Variants in TRIM62 observed in about 807,000 individuals in gnomAD.
TRIM62 encodes the protein E3 ubiquitin-protein ligase TRIM62.
Under a neutral mutation model 44.2 loss-of-function variants are expected in TRIM62, and 39 were observed. That is an observed-to-expected ratio of 0.88 (90% confidence interval 0.68 to 1.15). The LOEUF is 1.15. Among genes scored for constraint, TRIM62 ranks in the 50% most tolerant of loss-of-function variants. The pLI, the probability that TRIM62 is intolerant of heterozygous loss-of-function variation, is 0.00. For missense variants in TRIM62, 544 were observed against 665.5 expected (o/e 0.82, Z 2.01); for synonymous variants, 278 against 292.3 (o/e 0.95, Z 0.50).
At chr1:33,170,570 C>T (rs953997334) in intron 1 of TRIM62, among the ~76,000 whole-genome samples, 9 of 152,058 alleles carry the variant, frequency 5.9e-5, no homozygotes, top group South Asian at 4.1e-4. Context: ...GAGTTCACCT[C>T]GAAAGGGTGG....
Position 33,159,843 on chromosome 1 carries a change from C to G in TRIM62, c.606G>C (p.Ala202=), listed in dbSNP as rs567502442. 1 of 1,613,572 alleles carries G rather than the reference C, an allele frequency of 6.2e-7. No individual in the cohort carries two copies. Among genetic ancestry groups the G allele is most frequent in the East Asian group, 2.2e-5 (1 of 44,884 alleles). ...RQKAMLEELE[A]DTARTLTDIE... ...TGTCGGTCAGCGTGCGGGCCGTGTC[C>G]GCCTCCAGCTCCTCTAGCATGGCCT... The change falls in exon 3 of 5, where the codon GCG becomes GCC. Residue 202 remains alanine, a synonymous_variant. Coordinates refer to ENST00000291416, the MANE Select transcript of TRIM62 (RefSeq NM_018207.3). The surrounding 1 kb of genome is among the most constrained non-coding windows in gnomAD (Gnocchi z 4.2).
At chr1:33,154,360 C>G (rs1645143888) in intron 4 of TRIM62, among the ~76,000 whole-genome samples, 1 of 152,224 alleles carries the variant, frequency 6.6e-6, no homozygotes, top group African/African-American at 2.4e-5. Flanking sequence ...ATGTCTGTCA[C>G]AGCTCGGAGA....
intron 1 of TRIM62, among the ~76,000 whole-genome samples, chr1:33,179,870 C>T (rs1645446964): frequency 6.6e-6 from 1 of 152,142 alleles, no homozygotes; most frequent in South Asian, 2.1e-4. Context: ...CAAAATTTCT[C>T]TAAGCTTTTA....
rs373281572 is a variant in TRIM62, at chr1:33,167,938, G to A, written c.409-2372C>T. 1.6e-4 allele frequency among the ~76,000 whole-genome samples: 24 copies of A among 152,214 alleles called. No homozygotes were observed. Among genetic ancestry groups the A allele is most frequent in the Non-Finnish European group, 3.1e-4 (21 of 68,046 alleles). On this transcript the variant is annotated intron_variant, in intron 1 of 4. Coordinates refer to ENST00000291416, the MANE Select transcript of TRIM62 (RefSeq NM_018207.3). This position sits in a 1 kb window ranked among gnomAD's most constrained non-coding sequence, Gnocchi z 4.2. ...ACTGTTGAGGCACTGGGATTATGGC[G>A]AAGGACAAGACAGACACAGTCCCTG... is the stretch of plus-strand genomic sequence containing the variant.
At chr1:33,172,555 G>A (rs1421248939) in intron 1 of TRIM62, among the ~76,000 whole-genome samples, 1 of 152,144 alleles carries the variant, frequency 6.6e-6, no homozygotes, top group Non-Finnish European at 1.5e-5. Context: ...GAGCGGGGGT[G>A]GGCCGGGCAG....
In TRIM62 at chr1:33,159,696, C is replaced by G; in HGVS notation, c.753G>C (p.Leu251=). 1 of 1,607,614 alleles carries G rather than the reference C, an allele frequency of 6.2e-7. No individual in the cohort carries two copies. Residue 251 remains leucine, a synonymous_variant, in exon 3 of 5, where the codon CTG becomes CTC. Transcript: ENST00000291416. This position sits in a 1 kb window ranked among gnomAD's most constrained non-coding sequence, Gnocchi z 4.2. The part of the protein sequence containing the change: ...RHTFLAGVAS[L]SERLKGKIHE... ...CGGCGGGTGGCACTTACCGCTCGGA[C>G]AGTGAGGCCACCCCAGCCAGGAAGG...
chr1:33,147,894 G>A lies in TRIM62; in HGVS notation c.878-167C>T, dbSNP rs1645042988. On this transcript the variant is annotated intron_variant, in intron 4 of 4. Coordinates refer to ENST00000291416, the MANE Select transcript of TRIM62 (RefSeq NM_018207.3). This position sits in a 1 kb window ranked among gnomAD's most constrained non-coding sequence, Gnocchi z 8.1. ...TCTCTGGGCCTCATCTTCCTCCTCTGTAGAATGGAAGGGTGGTGGTTAAGG... is the reference window on the plus strand; with the variant it reads ...TCTCTGGGCCTCATCTTCCTCCTCTATAGAATGGAAGGGTGGTGGTTAAGG... Among the ~76,000 whole-genome samples, 1 of 152,178 alleles carries A rather than the reference G, an allele frequency of 6.6e-6. No individual in the cohort carries two copies. Among genetic ancestry groups the A allele is most frequent in the South Asian group, 2.1e-4 (1 of 4,828 alleles).
At position 33,153,271 on chromosome 1, in the gene TRIM62, G is replaced by A. The variant is rs867630592; in HGVS notation, c.877+4982C>T. On this transcript the variant is annotated intron_variant, in intron 4 of 4. Transcript: ENST00000291416. ...CACAGGCCCCACAGACAAAGAAAGGGGCCCAGCCAACCAGGCTGCTGCTCT... is the reference window on the plus strand; with the variant it reads ...CACAGGCCCCACAGACAAAGAAAGGAGCCCAGCCAACCAGGCTGCTGCTCT... Among the ~76,000 whole-genome samples, 21 of 152,270 alleles carry A rather than the reference G, an allele frequency of 1.4e-4. No individual in the cohort carries two copies. In the East Asian group the frequency reaches 1.5e-3, roughly 11 times the overall value.
chr1:33,176,435 T>C (rs1645420077), intron 1 of TRIM62: 2 of 698,226 alleles, frequency 2.9e-6, no homozygotes, highest in Non-Finnish European at 5.2e-6. Context: ...GCTGATCCAC[T>C]GCTGTCTTCT....
rs202226050 is a variant in TRIM62 at position 33,159,829 on chromosome 1, G to T, written c.620C>A (p.Thr207Lys). The T allele has an allele frequency of 6.2e-7, 1 of 1,613,706 alleles. No homozygotes were observed. The highest frequency in any genetic ancestry group is 8.5e-7 in the Non-Finnish European group (1 of 1,179,990). ...GACTTTCTGCTCGATGTCGGTCAGCGTGCGGGCCGTGTCCGCCTCCAGCTC... is the reference window on the plus strand; with the variant it reads ...GACTTTCTGCTCGATGTCGGTCAGCTTGCGGGCCGTGTCCGCCTCCAGCTC... ...LEELEADTAR[T>K]LTDIEQKVQR... The change falls in exon 3 of 5, where the codon ACG becomes AAG. Residue 207 changes from threonine (T) to lysine (K), a missense_variant. By Grantham distance (78) the Thr-to-Lys change is moderately conservative. Coordinates refer to ENST00000291416, the MANE Select transcript of TRIM62 (RefSeq NM_018207.3). The surrounding 1 kb of genome is among the most constrained non-coding windows in gnomAD (Gnocchi z 4.2).
intron 4 of TRIM62, among the ~76,000 whole-genome samples, chr1:33,153,896 C>T (rs970764416): frequency 6.6e-6 from 1 of 152,190 alleles, no homozygotes; most frequent in Non-Finnish European, 1.5e-5. Context: ...AGACCTGGCC[C>T]CTGACCCTCA....
intron 1 of TRIM62, among the ~76,000 whole-genome samples, chr1:33,176,962 C>T (rs1217774990): frequency 2.0e-5 from 3 of 152,162 alleles, no homozygotes; most frequent in Non-Finnish European, 2.9e-5. Flanking sequence ...GAAATGGGCT[C>T]CTTCCCTCCA....
Position 33,181,339 on chromosome 1 carries a change from G to A in TRIM62, c.94C>T (p.Arg32Cys), listed in dbSNP as rs1412036131. 3 of 1,582,740 alleles carry A rather than the reference G, an allele frequency of 1.9e-6. No individual in the cohort carries two copies. In the Admixed American group the frequency reaches 5.4e-5, roughly 29 times the overall value. ...VSLGCEHYFC[R>C]RCITEHWVRQ... ...ACCCAGTGCTCCGTGATGCAGCGGC[G>A]GCAGAAGTAATGCTCGCAGCCCAGG... Residue 32 changes from arginine to cysteine, a missense_variant, in exon 1 of 5, where the codon CGC (arginine) becomes TGC (cysteine). Physicochemically the swap from Arg to Cys is radical, Grantham distance 180. Coordinates refer to ENST00000291416, the MANE Select transcript of TRIM62 (RefSeq NM_018207.3). The surrounding 1 kb of genome is among the most constrained non-coding windows in gnomAD (Gnocchi z 6.5).
At chr1:33,151,131 G>A (rs1348859648) in intron 4 of TRIM62, among the ~76,000 whole-genome samples, 1 of 152,076 alleles carries the variant, frequency 6.6e-6, no homozygotes, top group African/African-American at 2.4e-5. Flanking sequence ...CTAGGAGGGA[G>A]ACAAGGGGGC....
At chr1:33,158,906 T>A (rs950091380) in intron 3 of TRIM62, among the ~76,000 whole-genome samples, 2 of 151,996 alleles carry the variant, frequency 1.3e-5, no homozygotes, top group Non-Finnish European at 2.9e-5. Flanking sequence ...AATGGCGCGA[T>A]CTCAGCTCAC....
At chr1:33,156,282 CTCCTT>C (rs1022648506) in intron 4 of TRIM62, among the ~76,000 whole-genome samples, 4 of 152,230 alleles carry the variant, frequency 2.6e-5, no homozygotes, top group African/African-American at 9.6e-5. Context: ...CGCTTGAAAA[CTCCTT>C]TAAAGCATTG....
chr1:33,173,853 T>A (rs190750623), intron 1 of TRIM62, among the ~76,000 whole-genome samples: 1 of 151,676 alleles, frequency 6.6e-6, no homozygotes, highest in Admixed American at 6.6e-5. Flanking sequence ...GCATGCATCA[T>A]GCCTGGATAA....
Position 33,181,556 on chromosome 1 carries a change from G to A in TRIM62, c.-124C>T, listed in dbSNP as rs1269713712. 7.1e-7 allele frequency: 1 copy of A among 1,417,892 alleles called. No homozygotes were observed. Among genetic ancestry groups the A allele is most frequent in the Non-Finnish European group, 9.1e-7 (1 of 1,093,056 alleles). 87.8% of individuals were successfully genotyped at this position (1,417,892 alleles called of 1,614,324 possible). The stretch of plus-strand genomic sequence containing the variant: ...GAGGCCCGCACAGGCAGGGGTAGGA[G>A]CTACCGGAGAAGGGAGGGGGTGCTG... On this transcript the variant is annotated 5_prime_UTR_variant, in exon 1 of 5. Coordinates refer to ENST00000291416, the MANE Select transcript of TRIM62 (RefSeq NM_018207.3). The surrounding 1 kb of genome is among the most constrained non-coding windows in gnomAD (Gnocchi z 6.5).
rs906460978 is a variant in TRIM62 at position 33,165,250 on chromosome 1, A to G, written c.504+221T>C. The G allele has an allele frequency of 2.1e-6, 1 of 481,516 alleles. No homozygotes were observed. 29.8% of individuals were successfully genotyped at this position (481,516 alleles called of 1,614,324 possible). A position where few individuals can be genotyped will look rare whatever the true frequency, so the allele number is the denominator to read the frequency against. On this transcript the variant is annotated intron_variant, in intron 2 of 4. Transcript: ENST00000291416. This position sits in a 1 kb window ranked among gnomAD's most constrained non-coding sequence, Gnocchi z 4.0. ...GTCCTTAACCGAGGGACCAGCCCAC[A>G]TCCTTGCCGCCAGTCATGATGGGGT... is the stretch of plus-strand genomic sequence containing the variant.
Sources: gnomAD v4.1 joint callset for allele counts (sites outside exome capture counted in the v4.1 genomes callset) on GRCh38, gnomAD v4.1.1 for gene constraint, Gnocchi (gnomAD v3.1) non-coding constraint, MANE v1.5 for transcripts, NCBI Gene and HGNC (gene_info 2026-07-23, HGNC 2026-07-21) for gene names.